Variants in NRP1 observed in about 807,000 individuals in gnomAD.
The protein encoded by NRP1 is neuropilin-1.
Under a neutral mutation model 106.7 loss-of-function variants are expected in NRP1, and 35 were observed. That is an observed-to-expected ratio of 0.33 (90% CI 0.25 to 0.43). The LOEUF is 0.43. Ranked by LOEUF, NRP1 falls within the 20% of genes least tolerant of loss-of-function variation. The pLI, the probability that NRP1 is intolerant of heterozygous loss-of-function variation, is 1.00. For missense variants in NRP1, 1,024 were observed against 1,170.4 expected, an observed-to-expected ratio of 0.87 and a Z score of 1.83; for synonymous variants, 437 against 417.9, an observed-to-expected ratio of 1.05 and a Z score of -0.56.
intron 2 of NRP1, among the ~76,000 whole-genome samples, chr10:33,273,189 A>G (rs1396079430): frequency 6.6e-6 from 1 of 152,152 alleles, no homozygotes; most frequent in Non-Finnish European, 1.5e-5. Flanking sequence ...TTATTCAGGA[A>G]TACTATAGTT....
intron 6 of NRP1, 93 bp from the exon 7 acceptor site, chr10:33,226,382 A>T (rs754981649): frequency 1.4e-6 from 2 of 1,409,164 alleles, no homozygotes; most frequent in Non-Finnish European, 1.9e-6. Context: ...TGTGGTTTTC[A>T]TCCACCTGGG....
intron 3 of NRP1, among the ~76,000 whole-genome samples, chr10:33,267,907 C>A (rs1180479455): frequency 6.6e-6 from 1 of 152,134 alleles, no homozygotes; most frequent in Non-Finnish European, 1.5e-5. Context: ...TGGAGCAATG[C>A]AACCCGGGGA....
At chr10:33,263,597 C>T in intron 4 of NRP1, 49 bp downstream of exon 4, 1 of 1,378,200 alleles carries the variant, frequency 7.3e-7, no homozygotes, top group Non-Finnish European at 1.0e-6. Flanking sequence ...AATACTGGTG[C>T]CCTTCCTCCA....
At chr10:33,272,194 T>A in intron 2 of NRP1, among the ~76,000 whole-genome samples, 1 of 152,332 alleles carries the variant, frequency 6.6e-6, no homozygotes, top group Non-Finnish European at 1.5e-5. Context: ...CTAGTAAAAG[T>A]GGACAGCTTA....
chr10:33,274,759 T>C (rs1564446178), intron 2 of NRP1, among the ~76,000 whole-genome samples: 1 of 152,124 alleles, frequency 6.6e-6, no homozygotes, highest in Non-Finnish European at 1.5e-5. Context: ...GGTGGTGGTG[T>C]CTTTTTAATC....
At chr10:33,274,051 A>G (rs1843505931) in intron 2 of NRP1, among the ~76,000 whole-genome samples, 1 of 151,828 alleles carries the variant, frequency 6.6e-6, no homozygotes, top group Admixed American at 6.6e-5. Context: ...TTTTTCTTAA[A>G]TTTTCTACCT....
intron 8 of NRP1, among the ~76,000 whole-genome samples, chr10:33,217,230 G>A (rs766459000): frequency 5.3e-5 from 8 of 152,126 alleles, no homozygotes; most frequent in Non-Finnish European, 7.3e-5. Flanking sequence ...GAGCAGAACC[G>A]TCACCAGATT....
At chr10:33,196,364 A>T (rs1836786582) in intron 12 of NRP1, among the ~76,000 whole-genome samples, 1 of 152,184 alleles carries the variant, frequency 6.6e-6, no homozygotes, top group Non-Finnish European at 1.5e-5. Context: ...CCCAGAAAGG[A>T]CATAGAGAAC....
intron 2 of NRP1, among the ~76,000 whole-genome samples, chr10:33,311,952 TC>T (rs1414195279): frequency 6.6e-6 from 1 of 152,098 alleles, no homozygotes; most frequent in Admixed American, 6.6e-5. Context: ...ATCCTTTTTT[TC>T]TCATAACAGT....
chr10:33,247,965 C>T (rs2133123616), intron 6 of NRP1, among the ~76,000 whole-genome samples: 1 of 152,328 alleles, frequency 6.6e-6, no homozygotes, highest in South Asian at 2.1e-4. Flanking sequence ...ACTGACCTCA[C>T]TTTGTAAGAC....
intron 2 of NRP1, among the ~76,000 whole-genome samples, chr10:33,298,022 T>C (rs759564383): frequency 6.6e-6 from 1 of 152,214 alleles, no homozygotes; most frequent in Admixed American, 6.5e-5. Flanking sequence ...AATTCAGTTA[T>C]CCTGTTAATC....
At chr10:33,228,613 G>C (rs1198780279) in intron 6 of NRP1, among the ~76,000 whole-genome samples, 1 of 152,148 alleles carries the variant, frequency 6.6e-6, no homozygotes, top group African/African-American at 2.4e-5. Context: ...AAGGCGCTTG[G>C]AGTAGTTAAA....
intron 2 of NRP1, among the ~76,000 whole-genome samples, chr10:33,308,826 G>A (rs1846360024): frequency 6.6e-6 from 1 of 152,008 alleles, no homozygotes; most frequent in Admixed American, 6.6e-5. Flanking sequence ...TAAATGCAAA[G>A]AAAATAAGCA....
intron 2 of NRP1, among the ~76,000 whole-genome samples, chr10:33,316,008 C>G (rs971743337): frequency 7.2e-5 from 11 of 152,326 alleles, no homozygotes; most frequent in African/African-American, 2.6e-4. Flanking sequence ...CCCTTATCTC[C>G]TTATTTGGCC....
At chr10:33,271,966 G>T (rs767168546) in intron 2 of NRP1, among the ~76,000 whole-genome samples, 3 of 152,064 alleles carry the variant, frequency 2.0e-5, no homozygotes, top group Non-Finnish European at 4.4e-5. Flanking sequence ...TTTTATTTCT[G>T]TACTTAACTT....
chr10:33,209,477 T>C (rs1161008646), intron 9 of NRP1, among the ~76,000 whole-genome samples: 1 of 152,054 alleles, frequency 6.6e-6, no homozygotes, highest in African/African-American at 2.4e-5. Flanking sequence ...TCTCCTCATT[T>C]ATTTATTTAT....
chr10:33,182,010 C>T (rs2132571854), intron 16 of NRP1, among the ~76,000 whole-genome samples: 1 of 152,214 alleles, frequency 6.6e-6, no homozygotes, highest in East Asian at 1.9e-4. Context: ...AGGAAAATCG[C>T]TTGAACCTGG....
intron 4 of NRP1, 82 bp downstream of exon 4, chr10:33,263,564 A>T (rs1393697025): frequency 3.1e-6 from 3 of 970,898 alleles, no homozygotes; most frequent in Admixed American, 4.6e-5. Flanking sequence ...TTAATGATTC[A>T]TGTATCATGA....
In NRP1 at chr10:33,188,936, T is replaced by TATATATATATATATATATAA. The variant is rs543920885; in HGVS notation, c.2063-2449_2063-2448insTTATATATATATATATATAT. Among the ~76,000 whole-genome samples the TATATATATATATATATATAA allele has an allele frequency of 4.1e-4, 59 of 143,338 alleles. 2 individuals are homozygous for TATATATATATATATATATAA. The highest frequency in any genetic ancestry group is 1.5e-3 in the African/African-American group (58 of 37,500). 94.0% of individuals were successfully genotyped at this position (143,338 alleles called of 152,430 possible). A position where few individuals can be genotyped will look rare whatever the true frequency, so the allele number is the denominator to read the frequency against. ...ATATATATATATATATATATATATA[T>TATATATATATATATATATAA]AAATTAAAACTGCTCGTGTTGCTCC... On this transcript the variant is annotated intron_variant, in intron 13 of 16. Transcript: ENST00000374867.
Sources: gnomAD v4.1 joint callset for allele counts (sites outside exome capture counted in the v4.1 genomes callset) on GRCh38, gnomAD v4.1.1 for gene constraint, MANE v1.5 for transcripts, NCBI Gene and HGNC (gene_info 2026-07-23, HGNC 2026-07-21) for gene names.